The following JRK variants were observed in gnomAD, a reference collection of about 807,000 sequenced individuals.
The protein encoded by JRK is Jrk helix-turn-helix protein.
For missense variants in JRK, 720 were observed against 509.2 expected, an observed-to-expected ratio of 1.41 and a Z score of -3.98; for synonymous variants, 303 against 218.1, an observed-to-expected ratio of 1.39 and a Z score of -3.43.
rs1342310116 is a variant in JRK, at chr8:142,661,130, GCA to G, written c.*3220_*3221del. 1.0e-6 allele frequency: 1 copy of G among 985,376 alleles called. No homozygotes were observed. The highest frequency in any genetic ancestry group is 1.7e-5 in the African/African-American group (1 of 57,248). The allele number at this position is 985,376 out of a possible 1,614,324, so 61.0% of individuals were successfully genotyped here. On this transcript the variant is annotated 3_prime_UTR_variant, in exon 2 of 2. Coordinates refer to ENST00000612905, the MANE Select transcript of JRK (RefSeq NM_003724.4). ...CACGAATGAAGCATATGGAAGTCAC[GCA>G]CAGACAGGCCCAGGGCAAGGTCTGC...
rs1374078809 is a variant in JRK, at chr8:142,660,695, C to T, written c.*3657G>A. 5.1e-6 allele frequency: 5 copies of T among 985,394 alleles called. No homozygotes were observed. Among genetic ancestry groups the T allele is most frequent in the Middle Eastern group, 5.1e-4 (1 of 1,942 alleles). The allele number at this position is 985,394 out of a possible 1,614,324, so 61.0% of individuals were successfully genotyped here. A position where few individuals can be genotyped will look rare whatever the true frequency, so the allele number is the denominator to read the frequency against. On this transcript the variant is annotated 3_prime_UTR_variant, in exon 2 of 2. Coordinates refer to ENST00000612905, the MANE Select transcript of JRK (RefSeq NM_003724.4). ...GGGATTTCAGGCAGAAGCCACCACA[C>T]CCGGATCCCCAATAAGCACATTTAT...
In JRK at chr8:142,663,086, G is replaced by A. The variant is rs1417024402; in HGVS notation, c.*1266C>T. On this transcript the variant is annotated 3_prime_UTR_variant, in exon 2 of 2. Coordinates refer to ENST00000612905, the MANE Select transcript of JRK (RefSeq NM_003724.4). ...GAGGATCACTCAAGCCAGGGAGGTC[G>A]AGGCTGCAGTGAGCTGGGATCACAC... 17 of 888,150 alleles carry A rather than the reference G, an allele frequency of 1.9e-5. No homozygotes were observed. Among genetic ancestry groups the A allele is most frequent in the South Asian group, 1.5e-4 (3 of 19,370 alleles). 55.0% of individuals were successfully genotyped at this position (888,150 alleles called of 1,614,324 possible).
the JRK span, among the ~76,000 whole-genome samples, chr8:142,650,732 C>T: frequency 3.9e-5 from 6 of 152,118 alleles, no homozygotes; most frequent in South Asian, 2.1e-4. Context: ...TGCCCAGTTT[C>T]GGGCATGTCT....
At chr8:142,657,375 CT>C (rs1245745186), downstream of JRK, 1 of 152,538 alleles carries the variant, frequency 6.6e-6, no homozygotes, top group Non-Finnish European at 1.5e-5. Flanking sequence ...CCTGTAACAT[CT>C]TCAACCCTGT....
At position 142,661,916 on chromosome 8, in the gene JRK, G is replaced by A; in HGVS notation, c.*2436C>T. On this transcript the variant is annotated 3_prime_UTR_variant, in exon 2 of 2. Transcript: ENST00000612905. ...GTTCTGGGGGACAGGACCGAGGCAAGAGGTATGCACCAGGCAGCTGGGCCC... is the reference window on the plus strand; with the variant it reads ...GTTCTGGGGGACAGGACCGAGGCAAAAGGTATGCACCAGGCAGCTGGGCCC... The A allele has an allele frequency of 2.0e-6, 2 of 985,594 alleles. No individual in the cohort carries two copies. The highest frequency in any genetic ancestry group is 2.4e-6 in the Non-Finnish European group (2 of 830,038). 61.1% of individuals were successfully genotyped at this position (985,594 alleles called of 1,614,324 possible).
At chr8:142,668,239 CTT>C (rs1847194281) in intron 1 of JRK, among the ~76,000 whole-genome samples, 1 of 152,248 alleles carries the variant, frequency 6.6e-6, no homozygotes. Flanking sequence ...AAACGCAGCC[CTT>C]TGAGGCCAGA....
Position 142,658,089 on chromosome 8 carries a change from T to C in JRK, c.*6263A>G, listed in dbSNP as rs782803923. On this transcript the variant is annotated 3_prime_UTR_variant, in exon 2 of 2. Coordinates refer to ENST00000612905, the MANE Select transcript of JRK (RefSeq NM_003724.4). ...TTCTGGACCAGGTGAACCTTAACAA[T>C]AGGTGCATGTTTTACTCATTCCAAG... 2.6e-5 allele frequency: 4 copies of C among 152,238 alleles called. No individual in the cohort carries two copies. Among genetic ancestry groups the C allele is most frequent in the Non-Finnish European group, 4.4e-5 (3 of 68,074 alleles). 9.4% of individuals were successfully genotyped at this position (152,238 alleles called of 1,614,324 possible).
chr8:142,647,626 C>A, the JRK span, among the ~76,000 whole-genome samples: 2 of 152,206 alleles, frequency 1.3e-5, no homozygotes, highest in Non-Finnish European at 2.9e-5. Context: ...GATTGTGAGG[C>A]CTCCCCAGCC....
intron 1 of JRK, among the ~76,000 whole-genome samples, chr8:142,668,084 C>T (rs1252948478): frequency 6.6e-6 from 1 of 152,230 alleles, no homozygotes; most frequent in Non-Finnish European, 1.5e-5. Context: ...GCAGGGGTCT[C>T]CCTGCCCTCA....
Position 142,661,991 on chromosome 8 carries a change from G to C in JRK, c.*2361C>G. 1.0e-6 allele frequency: 1 copy of C among 985,546 alleles called. No individual in the cohort carries two copies. The highest frequency in any genetic ancestry group is 4.7e-5 in the South Asian group (1 of 21,286). The allele number at this position is 985,546 out of a possible 1,614,324, so 61.1% of individuals were successfully genotyped here. A position where few individuals can be genotyped will look rare whatever the true frequency, so the allele number is the denominator to read the frequency against. Reference sequence around the variant, plus strand: ...TGGGCTCCCTAAAAACCTCACTCCAGCAGCGAGCCCAGGTGAGGAGGGGCT... The same window carrying C: ...TGGGCTCCCTAAAAACCTCACTCCACCAGCGAGCCCAGGTGAGGAGGGGCT... On this transcript the variant is annotated 3_prime_UTR_variant, in exon 2 of 2. Transcript: ENST00000612905.
rs140013876 is a variant in JRK at position 142,663,317 on chromosome 8, C to G, written c.*1035G>C. The G allele has an allele frequency of 3.0e-6, 3 of 985,472 alleles. No individual in the cohort carries two copies. In the East Asian group the frequency reaches 3.4e-4, roughly 112 times the overall value. The allele number at this position is 985,472 out of a possible 1,614,324, so 61.0% of individuals were successfully genotyped here. ...GACATGGAGAAAATAACCACATCCT[C>G]TTACAACCGCCTCTGTGAAAACTGA... On this transcript the variant is annotated 3_prime_UTR_variant, in exon 2 of 2. Coordinates refer to ENST00000612905, the MANE Select transcript of JRK (RefSeq NM_003724.4).
At chr8:142,654,634 G>T (rs2129661362), downstream of JRK, among the ~76,000 whole-genome samples, 1 of 92,638 alleles carries the variant, frequency 1.1e-5, no homozygotes, top group South Asian at 3.0e-4. Flanking sequence ...TCCCTGGCTG[G>T]CTCAGCTCTC....
At position 142,660,905 on chromosome 8, in the gene JRK, TG is replaced by T; in HGVS notation, c.*3446del. The T allele has an allele frequency of 1.0e-6, 1 of 985,490 alleles. No homozygotes were observed. The highest frequency in any genetic ancestry group is 1.2e-6 in the Non-Finnish European group (1 of 830,026). 61.0% of individuals were successfully genotyped at this position (985,490 alleles called of 1,614,324 possible). A position where few individuals can be genotyped will look rare whatever the true frequency, so the allele number is the denominator to read the frequency against. ...ACTGGGACCCTGAACCTCCTCCAAA[TG>T]GACTTTAACTGGGGACAACTGATGA... On this transcript the variant is annotated 3_prime_UTR_variant, in exon 2 of 2. Transcript: ENST00000612905.
intron 1 of JRK, among the ~76,000 whole-genome samples, chr8:142,668,926 T>C (rs1299641612): frequency 6.6e-6 from 1 of 151,530 alleles, no homozygotes; most frequent in Non-Finnish European, 1.5e-5. Flanking sequence ...CAAGCTACTG[T>C]GGGATTCCCT....
At chr8:142,656,752 G>A (rs190826037), downstream of JRK, among the ~76,000 whole-genome samples, 9 of 152,270 alleles carry the variant, frequency 5.9e-5, no homozygotes, top group East Asian at 3.9e-4. Flanking sequence ...TGGCTCTGCC[G>A]TTTGGGGTGG....
At chr8:142,656,829 G>A (rs1846763240), downstream of JRK, among the ~76,000 whole-genome samples, 1 of 152,190 alleles carries the variant, frequency 6.6e-6, no homozygotes, top group African/African-American at 2.4e-5. Flanking sequence ...AGCAATACCA[G>A]GTGTTCTGGG....
At chr8:142,668,457 G>T (rs1439062229) in intron 1 of JRK, among the ~76,000 whole-genome samples, 1 of 152,114 alleles carries the variant, frequency 6.6e-6, no homozygotes, top group Non-Finnish European at 1.5e-5. Flanking sequence ...ACAGCACAGT[G>T]AGCTATGTGC....
chr8:142,666,069 G>A lies in JRK; in HGVS notation c.-11C>T. The A allele has an allele frequency of 6.2e-7, 1 of 1,603,944 alleles. No homozygotes were observed. Among genetic ancestry groups the A allele is most frequent in the Non-Finnish European group, 8.5e-7 (1 of 1,175,986 alleles). ...CGGCTTGGAGGCCATGGGGAGGGGT[G>A]GCTGGTCCTAGCACTTGCAGGACAC... On this transcript the variant is annotated 5_prime_UTR_variant, in exon 2 of 2. Transcript: ENST00000612905.
rs1554635339 is a variant in JRK at position 142,664,792 on chromosome 8, T to TCACAA, written c.1262_1266dup (p.Lys423LeufsTer2). The TCACAA allele has an allele frequency of 6.3e-7, 1 of 1,593,038 alleles. No individual in the cohort carries two copies. Among genetic ancestry groups the TCACAA allele is most frequent in the East Asian group, 2.3e-5 (1 of 43,896 alleles). Reference sequence around the variant, plus strand: ...TGGCCCGGGCAGGAGGAGCCTTCCTTCACAAGCTCCAGGATGTGTGCAAAG... The same window carrying TCACAA: ...TGGCCCGGGCAGGAGGAGCCTTCCTTCACAACACAAGCTCCAGGATGTGTGCAAAG... On this transcript the variant is annotated frameshift_variant, in exon 2 of 2. Coordinates refer to ENST00000612905, the MANE Select transcript of JRK (RefSeq NM_003724.4). LOFTEE classifies it low-confidence loss of function (END_TRUNC).
Sources: gnomAD v4.1 joint callset for allele counts (sites outside exome capture counted in the v4.1 genomes callset) on GRCh38, gnomAD v4.1.1 for gene constraint, MANE v1.5 for transcripts, NCBI Gene and HGNC (gene_info 2026-07-23, HGNC 2026-07-21) for gene names.